The following PAPLN variants were observed in gnomAD, a reference collection of about 807,000 sequenced individuals.
The protein encoded by PAPLN is papilin.
PAPLN carries 146 observed loss-of-function variants against 159.0 expected under a neutral mutation model. That is an observed-to-expected ratio of 0.92 (90% CI 0.80 to 1.05). PAPLN has a LOEUF of 1.05. Among genes scored for constraint, PAPLN ranks in the 50% least tolerant of loss-of-function variants. PAPLN has a pLI of 0.00. For missense variants in PAPLN, 1,720 were observed against 1,743.9 expected, an observed-to-expected ratio of 0.99 and a Z score of 0.24; for synonymous variants, 734 against 702.9, an observed-to-expected ratio of 1.04 and a Z score of -0.70.
At chr14:73,269,676 G>A (rs1368456669) in intron 26 of PAPLN, among the ~76,000 whole-genome samples, 2 of 152,206 alleles carry the variant, frequency 1.3e-5, no homozygotes, top group Non-Finnish European at 2.9e-5. Context: ...CTTGGTTCTT[G>A]TTCACGGAGG....
rs1886697519 is a variant in PAPLN, at chr14:73,262,500, A to G, written c.2396A>G (p.Glu799Gly). Residue 799 changes from glutamate to glycine, a missense_variant, in exon 19 of 27, where the codon GAG becomes GGG. Coordinates refer to ENST00000644200, the MANE Select transcript of PAPLN (RefSeq NM_001365906.3). The part of the protein sequence containing the change: ...GNANNFASEQ[E>G]CMSSCQGSLH... ...GCCAATAACTTTGCCTCGGAGCAAG[A>G]GTGCATGAGCAGCTGCCAGGGATCT... 6.3e-7 allele frequency: 1 copy of G among 1,590,524 alleles called. No individual in the cohort carries two copies. Among genetic ancestry groups the G allele is most frequent in the Admixed American group, 1.8e-5 (1 of 55,768 alleles).
rs1429271013 is a variant in PAPLN at position 73,259,387 on chromosome 14, T to C, written c.1827T>C (p.Ala609=). ...CCCACCTGTCAGCCCTGGGCCCCGCTCCCTCTCTGCAGCAGCCCCCATACC... is the reference window on the plus strand; with the variant it reads ...CCCACCTGTCAGCCCTGGGCCCCGCCCCCTCTCTGCAGCAGCCCCCATACC... The part of the protein sequence containing the change: ...QGTHLSALGP[A]PSLQQPPYQQ... The change falls in exon 16 of 27, where the codon GCT becomes GCC. Residue 609 remains alanine, a synonymous_variant. Coordinates refer to ENST00000644200, the MANE Select transcript of PAPLN (RefSeq NM_001365906.3). The C allele has an allele frequency of 6.2e-7, 1 of 1,612,096 alleles. No individual in the cohort carries two copies. Among genetic ancestry groups the C allele is most frequent in the South Asian group, 1.1e-5 (1 of 90,688 alleles).
chr14:73,266,932 CA>C (rs945172120), intron 25 of PAPLN, 101 bp downstream of exon 25: 23 of 1,175,078 alleles, frequency 2.0e-5, no homozygotes, highest in Non-Finnish European at 2.8e-5. Flanking sequence ...CCACTGCTTC[CA>C]TTCCGGCTTC....
In PAPLN at chr14:73,251,502, C is replaced by T; in HGVS notation, c.606C>T (p.Leu202=). ...TGCCCCCAGGCTACAACCAGATCCT[C>T]ATAGTTCCCATGGGTGCCACCAGCA... ...NDLSRGYNQI[L]IVPMGATSIL... The change falls in exon 8 of 27, where the codon CTC becomes CTT. Residue 202 remains leucine (L), a synonymous_variant. Transcript: ENST00000644200. 1 of 1,608,760 alleles carries T rather than the reference C, an allele frequency of 6.2e-7. No homozygotes were observed.
chr14:73,239,915 C>T (rs977814839), intron 2 of PAPLN, 83 bp downstream of exon 2: 40 of 1,474,436 alleles, frequency 2.7e-5, no homozygotes, highest in Non-Finnish European at 3.4e-5. Flanking sequence ...GGCAACGTCC[C>T]CAGGAAAGGG....
intron 1 of PAPLN, among the ~76,000 whole-genome samples, chr14:73,239,196 ACGCACACTGCACGG>A (rs1464157482): frequency 2.6e-5 from 4 of 151,900 alleles, no homozygotes; most frequent in Non-Finnish European, 5.9e-5. Context: ...ACGCTGCACC[ACGCACACTGCACGG>A]CGCACACTGC....
intron 13 of PAPLN, 84 bp from the exon 14 acceptor site, chr14:73,254,793 C>T: frequency 1.3e-6 from 2 of 1,590,720 alleles, no homozygotes; most frequent in Non-Finnish European, 8.6e-7. Context: ...CGCCACTGGG[C>T]ACCTTCCCCT....
chr14:73,245,923 T>C lies in PAPLN; in HGVS notation c.232-150T>C, dbSNP rs1280454787. ...CACCATGGAGGGGCACGCACAGGAG[T>C]TCGGGGGTCCGGGGGGCGGACTCCA... On this transcript the variant is annotated intron_variant, in intron 4 of 26. Transcript: ENST00000644200. The surrounding 1 kb of genome is among the most constrained non-coding windows in gnomAD (Gnocchi z 4.2). 8 of 902,490 alleles carry C rather than the reference T, an allele frequency of 8.9e-6. No homozygotes were observed. Among genetic ancestry groups the C allele is most frequent in the Non-Finnish European group, 1.3e-5 (8 of 617,230 alleles). 55.9% of individuals were successfully genotyped at this position (902,490 alleles called of 1,614,324 possible).
intron 25 of PAPLN, among the ~76,000 whole-genome samples, chr14:73,267,560 G>T (rs1887344102): frequency 1.3e-5 from 2 of 152,380 alleles, no homozygotes; most frequent in East Asian, 3.9e-4. Flanking sequence ...GGCAAAGGAT[G>T]TTCTTGGTAG....
At chr14:73,261,865 A>C (rs1001921755) in intron 18 of PAPLN, among the ~76,000 whole-genome samples, 12 of 151,864 alleles carry the variant, frequency 7.9e-5, no homozygotes, top group Non-Finnish European at 1.3e-4. Context: ...GGGCTGCTGG[A>C]ATGGCAGGCT....
chr14:73,257,498 C>T (rs1886050726), intron 14 of PAPLN, among the ~76,000 whole-genome samples: 1 of 151,890 alleles, frequency 6.6e-6, no homozygotes, highest in Non-Finnish European at 1.5e-5. Context: ...TTGCATTTTC[C>T]AACAATATTT....
At chr14:73,248,094 TGTGTGTGTGTGTGCGC>T (rs1566677533) in intron 5 of PAPLN, among the ~76,000 whole-genome samples, 7 of 109,686 alleles carry the variant, frequency 6.4e-5, no homozygotes, top group Admixed American at 2.3e-4. Flanking sequence ...TGTGTGTGTG[TGTGTGTGTGTGTGCGC>T]GTGTGTGTGT....
intron 3 of PAPLN, 84 bp downstream of exon 3, chr14:73,244,843 C>T: frequency 8.6e-7 from 1 of 1,157,852 alleles, no homozygotes; most frequent in Non-Finnish European, 1.2e-6. Context: ...TGGTCGTGGC[C>T]TAGGCTAGCA....
intron 25 of PAPLN, among the ~76,000 whole-genome samples, chr14:73,267,044 T>C (rs1887293924): frequency 1.3e-5 from 2 of 152,172 alleles, no homozygotes; most frequent in African/African-American, 4.8e-5. Context: ...CACTAAGGTT[T>C]CCTAACCTCA....
chr14:73,262,471 C>G lies in PAPLN; in HGVS notation c.2367C>G (p.Gly789=). 1 of 1,609,454 alleles carries G rather than the reference C, an allele frequency of 6.2e-7. No individual in the cohort carries two copies. Among genetic ancestry groups the G allele is most frequent in the Non-Finnish European group, 8.5e-7 (1 of 1,177,878 alleles). ...GCTTCTGGTATGGCGGCTGCCATGG[C>G]AATGCCAATAACTTTGCCTCGGAGC... The part of the protein sequence containing the change: ...CNRFWYGGCH[G]NANNFASEQE... Residue 789 remains glycine, a synonymous_variant, in exon 19 of 27, where the codon GGC becomes GGG. Transcript: ENST00000644200.
chr14:73,245,857 C>A lies in PAPLN; in HGVS notation c.231+161C>A, dbSNP rs1884196520. On this transcript the variant is annotated intron_variant, in intron 4 of 26. Coordinates refer to ENST00000644200, the MANE Select transcript of PAPLN (RefSeq NM_001365906.3). This position sits in a 1 kb window ranked among gnomAD's most constrained non-coding sequence, Gnocchi z 4.2. ...GGGCTGCGTGGGGGCCCCTTCCTCA[C>A]CCTGCTCCCGGGGACTGGCCTTGCC... 3.0e-6 allele frequency: 3 copies of A among 1,003,414 alleles called. No homozygotes were observed. Among genetic ancestry groups the A allele is most frequent in the Non-Finnish European group, 4.3e-6 (3 of 693,808 alleles). The allele number at this position is 1,003,414 out of a possible 1,614,324, so 62.2% of individuals were successfully genotyped here.
Position 73,272,681 on chromosome 14 carries a change from C to T in PAPLN, c.*17C>T. Reference sequence around the variant, plus strand: ...TGGCAGTAGGGATGAAGGCTAGTTCCAGCCCCAGTCCAAAATAGTTCATAG... The same window carrying T: ...TGGCAGTAGGGATGAAGGCTAGTTCTAGCCCCAGTCCAAAATAGTTCATAG... On this transcript the variant is annotated 3_prime_UTR_variant, in exon 27 of 27. Coordinates refer to ENST00000644200, the MANE Select transcript of PAPLN (RefSeq NM_001365906.3). The T allele has an allele frequency of 1.3e-6, 2 of 1,541,540 alleles. No homozygotes were observed. The highest frequency in any genetic ancestry group is 2.4e-5 in the South Asian group (2 of 83,054).
At chr14:73,263,172 T>C (rs1886778759) in intron 19 of PAPLN, 1 of 336,656 alleles carries the variant, frequency 3.0e-6, no homozygotes, top group African/African-American at 2.1e-5. Context: ...CCTCAGTTTC[T>C]TGACCTGTAA....
intron 14 of PAPLN, among the ~76,000 whole-genome samples, chr14:73,256,061 G>A (rs1186496580): frequency 2.0e-5 from 3 of 152,166 alleles, no homozygotes; most frequent in African/African-American, 7.2e-5. Flanking sequence ...TCGGCCATCC[G>A]GAGGGCCCCT....
Sources: allele counts gnomAD v4.1 joint callset (sites outside exome capture counted in the v4.1 genomes callset), GRCh38; gene constraint gnomAD v4.1.1; non-coding constraint Gnocchi (gnomAD v3.1); transcripts MANE v1.5; gene names NCBI Gene and HGNC (gene_info 2026-07-23, HGNC 2026-07-21).